Variants in RELN observed in about 807,000 individuals in gnomAD.
The protein encoded by RELN is reelin.
Under a neutral mutation model 427.6 loss-of-function variants are expected in RELN, and 108 were observed. That is an observed-to-expected ratio of 0.25 (90% CI 0.22 to 0.30). The LOEUF (loss-of-function observed/expected upper bound fraction) is 0.30, where lower values mean the gene tolerates loss of function less well. RELN is among the 10% of genes least tolerant of loss of function. The pLI is 1.00. For synonymous variants in RELN, 1,524 were observed against 1,513.4 expected (o/e 1.01, Z -0.16); for missense variants, 3,715 against 4,302.8 (o/e 0.86, Z 3.82).
chr7:103,950,595 A>C (rs1475677691), intron 1 of RELN, among the ~76,000 whole-genome samples: 1 of 152,202 alleles, frequency 6.6e-6, no homozygotes, highest in Non-Finnish European at 1.5e-5. Flanking sequence ...TTCAAGCATC[A>C]AATATTACTA....
At chr7:103,503,379 T>C (rs796766570) in intron 51 of RELN, 149 bp from the exon 52 acceptor site, 8 of 746,746 alleles carry the variant, frequency 1.1e-5, no homozygotes, top group African/African-American at 8.7e-5. Context: ...GTTCTGCTAA[T>C]GGACAGAGAA....
At chr7:103,556,195 C>T (rs1292587404) in intron 38 of RELN, among the ~76,000 whole-genome samples, 2 of 152,062 alleles carry the variant, frequency 1.3e-5, no homozygotes, top group East Asian at 3.9e-4. Flanking sequence ...GGTCTAAGTC[C>T]CTCTCACTTC....
At chr7:103,551,343 G>T in intron 40 of RELN, 47 bp from the exon 41 acceptor site, 1 of 1,333,186 alleles carries the variant, frequency 7.5e-7, no homozygotes, top group Non-Finnish European at 1.1e-6. Context: ...AGAGCAACAA[G>T]CCTTGAAATG....
chr7:103,483,033 G>T, intron 62 of RELN, 62 bp from the exon 63 acceptor site: 1 of 1,300,920 alleles, frequency 7.7e-7, no homozygotes, highest in South Asian at 1.2e-5. Context: ...TTTGGTATTT[G>T]ACTTCTAGAT....
intron 28 of RELN, among the ~76,000 whole-genome samples, chr7:103,577,928 T>C (rs554523600): frequency 3.9e-5 from 6 of 152,296 alleles, no homozygotes; most frequent in African/African-American, 1.4e-4. Context: ...AAAACTTCTT[T>C]CCCCAGCTTC....
At position 103,500,928 on chromosome 7, in the gene RELN, G is replaced by A; in HGVS notation, c.8490-6C>T. ...AGAACCTAAACCTTACCGGACTATTGACAATGCAAAAGCAAAGGAGTGAAA... is the reference window on the plus strand; with the variant it reads ...AGAACCTAAACCTTACCGGACTATTAACAATGCAAAAGCAAAGGAGTGAAA... On this transcript the variant is annotated splice_region_variant and splice_polypyrimidine_tract_variant and intron_variant, in intron 52 of 64. Coordinates refer to ENST00000428762, the MANE Select transcript of RELN (RefSeq NM_005045.4). The A allele has an allele frequency of 6.2e-7, 1 of 1,613,798 alleles. No homozygotes were observed. The highest frequency in any genetic ancestry group is 8.5e-7 in the Non-Finnish European group (1 of 1,179,822).
At chr7:103,673,977 T>A (rs538317216) in intron 11 of RELN, among the ~76,000 whole-genome samples, 104 of 152,186 alleles carry the variant, frequency 6.8e-4, no homozygotes, top group African/African-American at 2.4e-3. Flanking sequence ...TTTTTTAATC[T>A]TGGGAACTTC....
intron 16 of RELN, among the ~76,000 whole-genome samples, chr7:103,644,916 AC>A (rs1314594437): frequency 6.6e-6 from 1 of 151,776 alleles, no homozygotes; most frequent in African/African-American, 2.4e-5. Flanking sequence ...ATTCCATCAG[AC>A]TAACAGTGGA....
intron 46 of RELN, among the ~76,000 whole-genome samples, chr7:103,533,808 T>A (rs554478842): frequency 3.9e-5 from 6 of 152,348 alleles, no homozygotes; most frequent in African/African-American, 1.4e-4. Flanking sequence ...GGAGTAAATC[T>A]TAGAATGTCG....
At chr7:103,779,745 T>C (rs1791838682) in intron 3 of RELN, among the ~76,000 whole-genome samples, 1 of 152,214 alleles carries the variant, frequency 6.6e-6, no homozygotes, top group Non-Finnish European at 1.5e-5. Flanking sequence ...TTTCTTTCTG[T>C]TGAGATGGAG....
chr7:103,719,941 C>A (rs1466534526), intron 8 of RELN, among the ~76,000 whole-genome samples: 1 of 152,132 alleles, frequency 6.6e-6, no homozygotes, highest in Non-Finnish European at 1.5e-5. Flanking sequence ...CTGTGGATAA[C>A]ATGATAAATT....
chr7:103,670,444 ATATT>A (rs1375020352), intron 11 of RELN, among the ~76,000 whole-genome samples: 5 of 152,096 alleles, frequency 3.3e-5, no homozygotes, highest in African/African-American at 1.2e-4. Context: ...ATGAAGGTCT[ATATT>A]TATTGACTAG....
At position 103,566,787 on chromosome 7, in the gene RELN, T is replaced by C. The variant is rs362726; in HGVS notation, c.4589-28A>G. 635,562 of 1,604,664 alleles carry C rather than the reference T, an allele frequency of 0.4. 129,804 individuals carry two copies. The highest frequency in any genetic ancestry group is 0.64 in the African/African-American group (48,179 of 74,726). ...GAGTTAAAAGACATAAATCCAGTTA[T>C]TTGGACACTTTCCTAGAGGGGAAGG... On this transcript the variant is annotated intron_variant, in intron 31 of 64. Coordinates refer to ENST00000428762, the MANE Select transcript of RELN (RefSeq NM_005045.4).
At chr7:103,984,742 G>T (rs1797061696) in intron 1 of RELN, among the ~76,000 whole-genome samples, 1 of 152,090 alleles carries the variant, frequency 6.6e-6, no homozygotes, top group South Asian at 2.1e-4. Flanking sequence ...AATTGCATTT[G>T]ACAAATGATT....
chr7:103,630,851 G>GTTTGTTTGTT (rs1562930901), intron 19 of RELN, among the ~76,000 whole-genome samples: 3 of 20,548 alleles, frequency 1.5e-4, no homozygotes, highest in African/African-American at 4.1e-4. Context: ...TTATTTTTTT[G>GTTTGTTTGTT]TTTTTTTTGT....
intron 2 of RELN, among the ~76,000 whole-genome samples, chr7:103,895,318 A>T (rs747415496): frequency 2.0e-5 from 3 of 152,082 alleles, no homozygotes; most frequent in Non-Finnish European, 4.4e-5. Flanking sequence ...GTGGTAGTTC[A>T]AAGGGTATTA....
At chr7:103,746,976 GCA>G (rs1790853251) in intron 6 of RELN, among the ~76,000 whole-genome samples, 1 of 152,170 alleles carries the variant, frequency 6.6e-6, no homozygotes, top group Non-Finnish European at 1.5e-5. Context: ...TATGTTTATA[GCA>G]GCACTATTCA....
intron 11 of RELN, among the ~76,000 whole-genome samples, chr7:103,677,170 C>G (rs1392633946): frequency 2.0e-5 from 3 of 151,466 alleles, no homozygotes; most frequent in Non-Finnish European, 1.5e-5. Flanking sequence ...GATCAGAAAA[C>G]CAAACAGTGC....
At chr7:103,832,098 A>G (rs1358143111) in intron 3 of RELN, among the ~76,000 whole-genome samples, 1 of 152,176 alleles carries the variant, frequency 6.6e-6, no homozygotes. Flanking sequence ...CAGAAAGAGT[A>G]TATATTTTAG....
Sources: gnomAD v4.1 joint callset for allele counts (sites outside exome capture counted in the v4.1 genomes callset) on GRCh38, gnomAD v4.1.1 for gene constraint, MANE v1.5 for transcripts, NCBI Gene and HGNC (gene_info 2026-07-23, HGNC 2026-07-21) for gene names.